Variants in STRN observed in about 807,000 individuals in gnomAD.
STRN encodes protein phosphatase 2 regulatory subunit B'''alpha.
STRN carries 53 observed loss-of-function variants against 96.3 expected under a neutral mutation model. The ratio of observed to expected loss-of-function variants is 0.55; its 90% CI spans 0.44 to 0.69. STRN has a LOEUF of 0.69. STRN is among the 30% of genes least tolerant of loss of function. The pLI, the probability that STRN is intolerant of heterozygous loss-of-function variation, is 0.00. For synonymous variants in STRN, 428 were observed against 355.9 expected (o/e 1.20, Z -2.28); for missense variants, 987 against 963.9 (o/e 1.02, Z -0.32).
chr2:36,936,146 T>A (rs981533793), intron 1 of STRN, among the ~76,000 whole-genome samples: 1 of 152,212 alleles, frequency 6.6e-6, no homozygotes, highest in African/African-American at 2.4e-5. Context: ...TCTTGCTTCA[T>A]ATTTAGACAA....
chr2:36,923,280 C>A (rs182951725), intron 2 of STRN, among the ~76,000 whole-genome samples: 1 of 151,298 alleles, frequency 6.6e-6, no homozygotes, highest in Admixed American at 6.6e-5. Context: ...GAAACCCTGT[C>A]TCTACTAAAA....
intron 6 of STRN, among the ~76,000 whole-genome samples, chr2:36,894,244 G>T (rs891069101): frequency 2.6e-5 from 4 of 152,162 alleles, no homozygotes; most frequent in African/African-American, 9.7e-5. Flanking sequence ...ATTATGGCTT[G>T]TTTTAAGTAA....
chr2:36,902,575 A>G lies in STRN; in HGVS notation c.659+9T>C. The stretch of plus-strand genomic sequence containing the variant: ...AATAGCTAAAACACTTTCCAGACAA[A>G]ATACTTACGCAATCATTGCTGTCTC... On this transcript the variant is annotated intron_variant, in intron 5 of 17. Transcript: ENST00000263918. 1 of 1,584,232 alleles carries G rather than the reference A, an allele frequency of 6.3e-7. No individual in the cohort carries two copies. The highest frequency in any genetic ancestry group is 8.6e-7 in the Non-Finnish European group (1 of 1,163,532).
intron 1 of STRN, among the ~76,000 whole-genome samples, chr2:36,959,735 A>G (rs1205861531): frequency 6.6e-6 from 1 of 152,266 alleles, no homozygotes; most frequent in East Asian, 1.9e-4. Context: ...TACTAATAAA[A>G]GTGTTGAAAT....
chr2:36,952,924 C>A (rs1304505279), intron 1 of STRN, among the ~76,000 whole-genome samples: 1 of 152,198 alleles, frequency 6.6e-6, no homozygotes, highest in Admixed American at 6.5e-5. Flanking sequence ...CAATGGTTAA[C>A]CTTCTCATTT....
intron 14 of STRN, 42 bp downstream of exon 14, chr2:36,857,813 GT>G (rs746423925): frequency 6.5e-6 from 10 of 1,530,634 alleles, no homozygotes; most frequent in Admixed American, 1.8e-5. Flanking sequence ...AGAATAAACT[GT>G]TTTATAGAGG....
intron 7 of STRN, among the ~76,000 whole-genome samples, chr2:36,890,080 G>A (rs1024522534): frequency 3.3e-5 from 5 of 152,200 alleles, no homozygotes; most frequent in African/African-American, 1.2e-4. Flanking sequence ...CTATATCTAT[G>A]CAGATGTGTG....
chr2:36,898,815 A>C (rs1558643559), intron 6 of STRN, among the ~76,000 whole-genome samples: 3 of 152,214 alleles, frequency 2.0e-5, no homozygotes, highest in Admixed American at 2.0e-4. Flanking sequence ...TTTCCTAGAC[A>C]AAGTGAAACA....
chr2:36,915,777 C>G (rs990927268), intron 3 of STRN, among the ~76,000 whole-genome samples: 2 of 152,190 alleles, frequency 1.3e-5, no homozygotes, highest in African/African-American at 4.8e-5. Context: ...CCCATTAACT[C>G]TGGGCAGACC....
intron 10 of STRN, among the ~76,000 whole-genome samples, chr2:36,873,995 C>A (rs1668834115): frequency 6.6e-6 from 1 of 151,294 alleles, no homozygotes; most frequent in African/African-American, 2.4e-5. Flanking sequence ...GTGGCTCACA[C>A]CTATAATCCC....
intron 7 of STRN, among the ~76,000 whole-genome samples, chr2:36,892,797 G>A (rs964568478): frequency 2.6e-5 from 4 of 152,192 alleles, no homozygotes; most frequent in Non-Finnish European, 5.9e-5. Context: ...GAGGCAGGCA[G>A]ATCACCTGAT....
At chr2:36,949,085 C>A (rs894591216) in intron 1 of STRN, among the ~76,000 whole-genome samples, 1 of 152,172 alleles carries the variant, frequency 6.6e-6, no homozygotes, top group Non-Finnish European at 1.5e-5. Flanking sequence ...ACCTTCTCTA[C>A]GTTTATGGCT....
chr2:36,925,246 C>CAA, intron 1 of STRN, 38 bp from the exon 2 acceptor site: 9 of 1,320,412 alleles, frequency 6.8e-6, no homozygotes, highest in African/African-American at 1.5e-5. Context: ...CAGTTTAGAC[C>CAA]AAAAAAAAAA....
intron 7 of STRN, among the ~76,000 whole-genome samples, chr2:36,889,362 A>T (rs1264142228): frequency 1.3e-5 from 2 of 152,172 alleles, no homozygotes; most frequent in Non-Finnish European, 2.9e-5. Flanking sequence ...ATCTATCAAT[A>T]GGAGAAACAT....
intron 1 of STRN, among the ~76,000 whole-genome samples, chr2:36,955,620 A>C (rs186093418): frequency 8.7e-4 from 132 of 151,992 alleles, no homozygotes; most frequent in Non-Finnish European, 1.5e-3. Flanking sequence ...TCTTGCCTCA[A>C]GCGTCCTTTC....
At chr2:36,925,867 T>A (rs1670396267) in intron 1 of STRN, among the ~76,000 whole-genome samples, 1 of 152,316 alleles carries the variant, frequency 6.6e-6, no homozygotes, top group Admixed American at 6.5e-5. Context: ...ATCAACAGGA[T>A]CTTTTTATAA....
At position 36,905,535 on chromosome 2, in the gene STRN, C is replaced by G; in HGVS notation, c.491+5G>C. The G allele has an allele frequency of 6.2e-7, 1 of 1,613,218 alleles. No homozygotes were observed. The highest frequency in any genetic ancestry group is 8.5e-7 in the Non-Finnish European group (1 of 1,179,286). On this transcript the variant is annotated splice_donor_5th_base_variant and intron_variant, in intron 4 of 17. Coordinates refer to ENST00000263918, the MANE Select transcript of STRN (RefSeq NM_003162.4). ...CATTTATAAGTTTCACCATGAGACA[C>G]TTACTGTCTGAGTAGTTGTCGACCT...
At chr2:36,897,394 T>A (rs1669568832) in intron 6 of STRN, among the ~76,000 whole-genome samples, 1 of 151,626 alleles carries the variant, frequency 6.6e-6, no homozygotes, top group Non-Finnish European at 1.5e-5. Flanking sequence ...TTAAAACCAG[T>A]GATTTGCTTA....
chr2:36,853,728 G>A (rs952528064), intron 15 of STRN, among the ~76,000 whole-genome samples: 1 of 151,958 alleles, frequency 6.6e-6, no homozygotes, highest in African/African-American at 2.4e-5. Flanking sequence ...AGCTTGTTTG[G>A]TCCTTTCATT....
Sources: allele counts gnomAD v4.1 joint callset (sites outside exome capture counted in the v4.1 genomes callset), GRCh38; gene constraint gnomAD v4.1.1; transcripts MANE v1.5; gene names NCBI Gene and HGNC (gene_info 2026-07-23, HGNC 2026-07-21).